The following CXCL13 variants were observed in gnomAD, a reference collection of about 807,000 sequenced individuals.
CXCL13 encodes C-X-C motif chemokine 13.
In CXCL13, 7 loss-of-function variants were observed where a neutral mutation model predicts 12.2. The ratio of observed to expected loss-of-function variants is 0.57; its 90% CI spans 0.33 to 1.07. The LOEUF (loss-of-function observed/expected upper bound fraction) is 1.07, where lower values mean the gene tolerates loss of function less well. Ranked by LOEUF, CXCL13 falls within the 50% of genes least tolerant of loss-of-function variation. CXCL13 has a pLI of 0.04. For synonymous variants in CXCL13, 47 were observed against 42.4 expected (o/e 1.11, Z -0.42); for missense variants, 113 against 127.4 (o/e 0.89, Z 0.55).
At chr4:77,577,097 G>A in intron 1 of CXCL13, among the ~76,000 whole-genome samples, 1 of 152,124 alleles carries the variant, frequency 6.6e-6, no homozygotes, top group Non-Finnish European at 1.5e-5. Context: ...CTAATTCTGA[G>A]CAATTATCCT....
At chr4:77,524,559 G>A (rs561313001) in intron 1 of CXCL13, among the ~76,000 whole-genome samples, 1 of 152,334 alleles carries the variant, frequency 6.6e-6, no homozygotes, top group South Asian at 2.1e-4. Context: ...GTCTGCCGGT[G>A]GCTAAGACCT....
chr4:77,532,346 C>A (rs183483359), intron 1 of CXCL13, among the ~76,000 whole-genome samples: 190 of 152,280 alleles, frequency 1.2e-3, no homozygotes, highest in Non-Finnish European at 1.9e-3. Context: ...GTTGAAAATT[C>A]TTTTCTTTAA....
chr4:77,522,643 T>A (rs562105992), intron 1 of CXCL13, among the ~76,000 whole-genome samples: 2 of 149,168 alleles, frequency 1.3e-5, no homozygotes, highest in Admixed American at 6.7e-5. Context: ...AGCACACTAA[T>A]GGGTCTTGTT....
At chr4:77,542,169 A>G (rs755491559) in intron 1 of CXCL13, among the ~76,000 whole-genome samples, 2 of 151,804 alleles carry the variant, frequency 1.3e-5, no homozygotes, top group Non-Finnish European at 2.9e-5. Context: ...AGATAGTTTG[A>G]CTTCTTCTTT....
chr4:77,544,839 G>A (rs1725311761), intron 1 of CXCL13, among the ~76,000 whole-genome samples: 1 of 152,148 alleles, frequency 6.6e-6, no homozygotes, highest in Non-Finnish European at 1.5e-5. Context: ...TGTCCTGAAT[G>A]GTATTGCCTA....
At chr4:77,563,045 G>A (rs977777677) in intron 1 of CXCL13, among the ~76,000 whole-genome samples, 6 of 152,108 alleles carry the variant, frequency 3.9e-5, no homozygotes, top group South Asian at 2.1e-4. Flanking sequence ...CTTTGGGTCC[G>A]CACTGCCTTT....
chr4:77,528,442 G>T (rs1343387139), intron 1 of CXCL13, among the ~76,000 whole-genome samples: 4 of 152,144 alleles, frequency 2.6e-5, no homozygotes, highest in African/African-American at 4.8e-5. Context: ...AGCACCTGTT[G>T]TTTCCTGACT....
intron 1 of CXCL13, among the ~76,000 whole-genome samples, chr4:77,540,101 AGATT>A (rs1725163528): frequency 1.3e-5 from 2 of 152,192 alleles, no homozygotes; most frequent in South Asian, 2.1e-4. Context: ...TCAGTATTAT[AGATT>A]GATTATCTCT....
chr4:77,609,058 A>T (rs1293716367), intron 2 of CXCL13, among the ~76,000 whole-genome samples: 1 of 152,242 alleles, frequency 6.6e-6, no homozygotes, highest in Non-Finnish European at 1.5e-5. Flanking sequence ...TTATTGTGAG[A>T]AATTCATGCC....
intron 1 of CXCL13, among the ~76,000 whole-genome samples, chr4:77,590,561 G>A (rs1726579358): frequency 6.6e-6 from 1 of 152,150 alleles, no homozygotes; most frequent in Non-Finnish European, 1.5e-5. Flanking sequence ...TCAAGAACAG[G>A]TTTTCCATGG....
chr4:77,588,133 A>AT (rs1277613499), intron 1 of CXCL13, among the ~76,000 whole-genome samples: 3 of 132,436 alleles, frequency 2.3e-5, no homozygotes, highest in African/African-American at 1.0e-4. Context: ...CCTACAAAGG[A>AT]TTAAAAAAGG....
chr4:77,551,176 G>T (rs929011575), intron 1 of CXCL13, among the ~76,000 whole-genome samples: 18 of 152,132 alleles, frequency 1.2e-4, no homozygotes, highest in African/African-American at 2.2e-4. Context: ...AAGTTAGCTC[G>T]TTGCTTTGTA....
chr4:77,597,780 C>T (rs1332428518), intron 1 of CXCL13, among the ~76,000 whole-genome samples: 1 of 152,102 alleles, frequency 6.6e-6, no homozygotes, highest in Non-Finnish European at 1.5e-5. Flanking sequence ...ATTCTATGTC[C>T]AAAGCACCAG....
upstream of CXCL13, among the ~76,000 whole-genome samples, chr4:77,604,601 A>G (rs1014635431): frequency 3.3e-5 from 5 of 152,106 alleles, no homozygotes; most frequent in Non-Finnish European, 7.4e-5. Flanking sequence ...AAGGAAGAAC[A>G]TCGTAACAAC....
chr4:77,542,026 T>C (rs1347311166), intron 1 of CXCL13, among the ~76,000 whole-genome samples: 1 of 152,140 alleles, frequency 6.6e-6, no homozygotes, highest in African/African-American at 2.4e-5. Flanking sequence ...TATTTGTGTA[T>C]AGAAATGCCA....
intron 1 of CXCL13, among the ~76,000 whole-genome samples, chr4:77,519,778 A>C (rs1560513124): frequency 6.6e-6 from 1 of 152,216 alleles, no homozygotes; most frequent in Non-Finnish European, 1.5e-5. Flanking sequence ...TTTAGACATC[A>C]AGTCCTTGCC....
chr4:77,538,072 G>A (rs1048231209), intron 1 of CXCL13, among the ~76,000 whole-genome samples: 3 of 152,190 alleles, frequency 2.0e-5, no homozygotes, highest in Non-Finnish European at 1.5e-5. Context: ...GAGAAACTGA[G>A]TCCCAGAGTC....
rs1440382801 is a variant in CXCL13, at chr4:77,545,361, G to T, written c.-43+33573G>T. ...ACAGTATGGCCATTTTCATGATATT[G>T]ATTCTTCCTACCCATGAGCATGGAA... On this transcript the variant is annotated intron_variant, in intron 1 of 4. Transcript: ENST00000286758. Among the ~76,000 whole-genome samples, 5 of 152,228 alleles carry T rather than the reference G, an allele frequency of 3.3e-5. No individual in the cohort carries two copies. The South Asian group carries it at 6.2e-4, about 19-fold the overall frequency.
At chr4:77,527,074 C>G (rs1454679421) in intron 1 of CXCL13, among the ~76,000 whole-genome samples, 1 of 152,196 alleles carries the variant, frequency 6.6e-6, no homozygotes, top group East Asian at 1.9e-4. Flanking sequence ...TCATATTAAA[C>G]ATTTCAAAAT....
Sources: allele counts gnomAD v4.1 joint callset (sites outside exome capture counted in the v4.1 genomes callset), GRCh38; gene constraint gnomAD v4.1.1; transcripts MANE v1.5; gene names NCBI Gene and HGNC (gene_info 2026-07-23, HGNC 2026-07-21).